Variants in KCNJ6 observed in about 807,000 individuals in gnomAD.
KCNJ6 encodes the protein potassium inwardly rectifying channel subfamily J member 6, also known as G protein-activated inward rectifier potassium channel 2.
KCNJ6 carries 9 observed loss-of-function variants against 34.2 expected under a neutral mutation model. The observed-to-expected ratio is 0.26, with a 90% CI of 0.16 to 0.46. KCNJ6 has a LOEUF of 0.46. Among genes scored for constraint, KCNJ6 ranks in the 20% least tolerant of loss-of-function variants. The pLI is 1.00. For synonymous variants in KCNJ6, 196 were observed against 207.1 expected, an observed-to-expected ratio of 0.95 and a Z score of 0.46; for missense variants, 236 against 531.3, an observed-to-expected ratio of 0.44 and a Z score of 5.46.
At chr21:37,667,327 G>GCAAA (rs1362494151) in intron 3 of KCNJ6, among the ~76,000 whole-genome samples, 1 of 152,080 alleles carries the variant, frequency 6.6e-6, no homozygotes, top group African/African-American at 2.4e-5. Context: ...CTACTGTGGG[G>GCAAA]GGCGTTTAGC....
intron 3 of KCNJ6, among the ~76,000 whole-genome samples, chr21:37,661,438 C>A (rs9978028): frequency 6.6e-6 from 1 of 152,126 alleles, no homozygotes; most frequent in African/African-American, 2.4e-5. Flanking sequence ...CATCAATACT[C>A]ATTTCTTCCC....
intron 3 of KCNJ6, among the ~76,000 whole-genome samples, chr21:37,710,039 A>T (rs976893421): frequency 2.0e-5 from 3 of 151,334 alleles, no homozygotes; most frequent in African/African-American, 7.3e-5. Context: ...TTCAGAAGTT[A>T]TCTTCTTTAA....
intron 1 of KCNJ6, among the ~76,000 whole-genome samples, chr21:37,854,286 T>C (rs2055553474): frequency 6.6e-6 from 1 of 152,074 alleles, no homozygotes; most frequent in Non-Finnish European, 1.5e-5. Context: ...ATGGCAATAT[T>C]ATTACACAAA....
chr21:37,890,584 T>G (rs1482296330), intron 1 of KCNJ6, among the ~76,000 whole-genome samples: 1 of 152,234 alleles, frequency 6.6e-6, no homozygotes, highest in African/African-American at 2.4e-5. Flanking sequence ...CAGCTGCATG[T>G]CTGTACAGCA....
chr21:37,725,349 C>T (rs751006106), intron 2 of KCNJ6, among the ~76,000 whole-genome samples: 8 of 152,094 alleles, frequency 5.3e-5, no homozygotes, highest in Non-Finnish European at 1.0e-4. Flanking sequence ...GCCGAGATCA[C>T]GCCACTGAAC....
At chr21:37,713,842 CCTT>C (rs1353706136) in intron 3 of KCNJ6, among the ~76,000 whole-genome samples, 1 of 152,114 alleles carries the variant, frequency 6.6e-6, no homozygotes, top group East Asian at 1.9e-4. Flanking sequence ...TTAACTTCCT[CCTT>C]CTAACTTGGT....
intron 1 of KCNJ6, among the ~76,000 whole-genome samples, chr21:37,872,052 A>G (rs1288582181): frequency 1.3e-5 from 2 of 152,220 alleles, no homozygotes; most frequent in African/African-American, 4.8e-5. Flanking sequence ...AAGGTTGGTT[A>G]TTAAACAAAC....
intron 1 of KCNJ6, among the ~76,000 whole-genome samples, chr21:37,900,812 T>A (rs934705911): frequency 3.3e-5 from 5 of 151,874 alleles, no homozygotes; most frequent in African/African-American, 9.7e-5. Flanking sequence ...GAGCAGGGAG[T>A]GAGACCCACA....
At chr21:37,902,325 G>A (rs1428195176) in intron 1 of KCNJ6, among the ~76,000 whole-genome samples, 1 of 152,210 alleles carries the variant, frequency 6.6e-6, no homozygotes, top group African/African-American at 2.4e-5. Context: ...TAGAATGGAT[G>A]TTTTTGCCAG....
chr21:37,775,691 T>C (rs2055138738), intron 2 of KCNJ6, among the ~76,000 whole-genome samples: 3 of 152,150 alleles, frequency 2.0e-5, no homozygotes, highest in African/African-American at 7.2e-5. Flanking sequence ...GAGGGCTCTG[T>C]TCTGTTCCGT....
chr21:37,683,248 A>C (rs2054598156), intron 3 of KCNJ6, among the ~76,000 whole-genome samples: 1 of 152,258 alleles, frequency 6.6e-6, no homozygotes, highest in African/African-American at 2.4e-5. Context: ...TCCTATTTGC[A>C]GAAAAAGGAG....
intron 1 of KCNJ6, among the ~76,000 whole-genome samples, chr21:37,890,158 G>A (rs553070970): frequency 2.1e-4 from 32 of 152,304 alleles, no homozygotes; most frequent in Admixed American, 1.9e-3. Context: ...GGCTGAGGAG[G>A]CCTCAGAAAA....
At chr21:37,866,340 C>T (rs114444856) in intron 1 of KCNJ6, among the ~76,000 whole-genome samples, 1 of 152,084 alleles carries the variant, frequency 6.6e-6, no homozygotes, top group Admixed American at 6.5e-5. Flanking sequence ...TCTATTGAAC[C>T]CTGACTGGTA....
chr21:37,754,062 G>C (rs1239866595), intron 2 of KCNJ6, among the ~76,000 whole-genome samples: 3 of 152,192 alleles, frequency 2.0e-5, no homozygotes, highest in African/African-American at 7.2e-5. Flanking sequence ...TGGGGCCTGG[G>C]CCACACATAA....
intron 2 of KCNJ6, among the ~76,000 whole-genome samples, chr21:37,749,442 G>A (rs763235260): frequency 6.6e-6 from 1 of 152,126 alleles, no homozygotes; most frequent in Non-Finnish European, 1.5e-5. Context: ...CATAGGGACT[G>A]CTCAATGAAT....
chr21:37,892,679 G>A (rs888039828), intron 1 of KCNJ6, among the ~76,000 whole-genome samples: 5 of 152,096 alleles, frequency 3.3e-5, no homozygotes, highest in Non-Finnish European at 4.4e-5. Context: ...TGGGAAAAGG[G>A]GTGCAGAATG....
At chr21:37,753,562 G>A (rs1330460301) in intron 2 of KCNJ6, among the ~76,000 whole-genome samples, 5 of 152,278 alleles carry the variant, frequency 3.3e-5, no homozygotes, top group East Asian at 1.9e-4. Flanking sequence ...GGAACACGAC[G>A]CTCTTAGCCT....
At chr21:37,905,585 C>G (rs1240768264) in intron 1 of KCNJ6, among the ~76,000 whole-genome samples, 2 of 152,258 alleles carry the variant, frequency 1.3e-5, no homozygotes, top group Non-Finnish European at 2.9e-5. Flanking sequence ...AAGACTCCTT[C>G]ACATTTCCCC....
intron 3 of KCNJ6, among the ~76,000 whole-genome samples, chr21:37,656,251 G>T (rs2054463518): frequency 6.6e-6 from 1 of 152,170 alleles, no homozygotes; most frequent in Non-Finnish European, 1.5e-5. Context: ...ATCATTGGGG[G>T]TTCTTCCTGC....
Sources: gnomAD v4.1 joint callset for allele counts (sites outside exome capture counted in the v4.1 genomes callset) on GRCh38, gnomAD v4.1.1 for gene constraint, MANE v1.5 for transcripts, NCBI Gene and HGNC (gene_info 2026-07-23, HGNC 2026-07-21) for gene names.